Variants in C6orf89 observed in about 807,000 individuals in gnomAD.
The protein encoded by C6orf89 is chromosome 6 open reading frame 89.
Under a neutral mutation model 40.7 loss-of-function variants are expected in C6orf89, and 29 were observed. That is an observed-to-expected ratio of 0.71 (90% CI 0.53 to 0.97). C6orf89 has a LOEUF of 0.97. Among genes scored for constraint, C6orf89 ranks in the 50% least tolerant of loss-of-function variants. The pLI is 0.00. For missense variants in C6orf89, 392 were observed against 429.1 expected (o/e 0.91, Z 0.76); for synonymous variants, 165 against 152.2 (o/e 1.08, Z -0.62).
At chr6:36,902,466 T>C (rs754804830) in intron 4 of C6orf89, 32 bp downstream of exon 4, 19 of 1,593,058 alleles carry the variant, frequency 1.2e-5, no homozygotes, top group African/African-American at 9.4e-5. Flanking sequence ...TTATTAGATA[T>C]AGTTTTCTTG....
At chr6:36,907,626 C>T (rs934889426) in intron 4 of C6orf89, among the ~76,000 whole-genome samples, 9 of 152,108 alleles carry the variant, frequency 5.9e-5, no homozygotes, top group African/African-American at 2.2e-4. Flanking sequence ...AAGTTATAAG[C>T]TTTATTGAAC....
rs1417997200 is a variant in C6orf89, at chr6:36,923,596, C to T, written c.*155C>T. On this transcript the variant is annotated 3_prime_UTR_variant, in exon 9 of 9. Transcript: ENST00000480824. ...TGTGAACCAGCTGTGAGCTGCAAGG[C>T]AGTGGCCAGAGCCTCGCCCTCCTGA... 4 of 698,160 alleles carry T rather than the reference C, an allele frequency of 5.7e-6. No homozygotes were observed. The highest frequency in any genetic ancestry group is 8.0e-6 in the Non-Finnish European group (3 of 376,680). The allele number at this position is 698,160 out of a possible 1,614,324, so 43.2% of individuals were successfully genotyped here. A position where few individuals can be genotyped will look rare whatever the true frequency, so the allele number is the denominator to read the frequency against.
intron 2 of C6orf89, among the ~76,000 whole-genome samples, chr6:36,896,563 C>T (rs1221080177): frequency 6.6e-6 from 1 of 152,142 alleles, no homozygotes; most frequent in Non-Finnish European, 1.5e-5. Context: ...TTCTCCCATT[C>T]TGTGGCTTGT....
At position 36,927,555 on chromosome 6, in the gene C6orf89, C is replaced by G. The variant is rs988776765; in HGVS notation, c.*4114C>G. The G allele has an allele frequency of 8.5e-5, 13 of 152,200 alleles. No homozygotes were observed. The highest frequency in any genetic ancestry group is 3.1e-4 in the African/African-American group (13 of 41,434). The allele number at this position is 152,200 out of a possible 1,614,324, so 9.4% of individuals were successfully genotyped here. On this transcript the variant is annotated 3_prime_UTR_variant, in exon 9 of 9. Transcript: ENST00000480824. ...CTCTCCTGACAATGAAGGAAAAGCT[C>G]TCTTGAGTATACAAGTTCCACACTC...
At chr6:36,878,379 G>A (rs776126153) in intron 1 of C6orf89, among the ~76,000 whole-genome samples, 32 of 152,202 alleles carry the variant, frequency 2.1e-4, no homozygotes, top group Non-Finnish European at 4.1e-4. Flanking sequence ...TAAGAGATTT[G>A]GCGCTACACA....
intron 7 of C6orf89, 35 bp from the exon 8 acceptor site, chr6:36,919,543 C>A: frequency 6.3e-7 from 1 of 1,589,270 alleles, no homozygotes; most frequent in Non-Finnish European, 8.6e-7. Context: ...TTTTCTTTGC[C>A]TTCCTTTTCC....
intron 8 of C6orf89, 72 bp from the exon 9 acceptor site, chr6:36,923,275 G>A (rs1762574978): frequency 8.8e-7 from 1 of 1,132,590 alleles, no homozygotes; most frequent in Non-Finnish European, 1.3e-6. Flanking sequence ...TGGCAGACCT[G>A]CCTTGCTCGT....
intron 1 of C6orf89, 49 bp downstream of exon 1, chr6:36,886,077 A>G: frequency 9.2e-7 from 1 of 1,086,970 alleles, no homozygotes; most frequent in Non-Finnish European, 1.1e-6. Context: ...GCCCTGTGAC[A>G]GCCTCGCCGC....
In C6orf89 at chr6:36,924,631, A is replaced by T. The variant is rs531136633; in HGVS notation, c.*1190A>T. The stretch of plus-strand genomic sequence containing the variant: ...TAGCAATCAAATGGTGTAAATAAGG[A>T]TGTTCTTTTCCTGTTCCTTTTATTT... On this transcript the variant is annotated 3_prime_UTR_variant, in exon 9 of 9. Transcript: ENST00000480824. The T allele has an allele frequency of 1.3e-5, 2 of 152,088 alleles. No homozygotes were observed. Among genetic ancestry groups the T allele is most frequent in the East Asian group, 3.9e-4 (2 of 5,176 alleles). The allele number at this position is 152,088 out of a possible 1,614,324, so 9.4% of individuals were successfully genotyped here.
chr6:36,913,993 T>C (rs1315672985), intron 4 of C6orf89, among the ~76,000 whole-genome samples: 1 of 152,144 alleles, frequency 6.6e-6, no homozygotes. Context: ...AGACCCCGTT[T>C]CAACTAAAAA....
chr6:36,872,917 G>C lies in C6orf89; in HGVS notation c.-628+950G>C, dbSNP rs1051653941. On this transcript the variant is annotated intron_variant, in intron 1 of 9. Transcript: ENST00000359359. ...AGCTATGGCACCTGGCCAGATGTGA[G>C]AATTGAGTCAACTCTGTATAGTCTG... Among the ~76,000 whole-genome samples, 12 of 152,222 alleles carry C rather than the reference G, an allele frequency of 7.9e-5. No homozygotes were observed. In the East Asian group the frequency reaches 2.1e-3, roughly 27 times the overall value.
At chr6:36,884,455 CT>C (rs1477946578), upstream of C6orf89, among the ~76,000 whole-genome samples, 21 of 152,186 alleles carry the variant, frequency 1.4e-4, 1 homozygote, top group Admixed American at 6.5e-4. The surrounding 1 kb of genome is among the most constrained non-coding windows in gnomAD (Gnocchi z 4.0). Flanking sequence ...TAATAATAGT[CT>C]CCCTGGTGCA....
rs1433576179 is a variant in C6orf89, at chr6:36,923,891, A to G, written c.*450A>G. 4.0e-6 allele frequency: 1 copy of G among 252,750 alleles called. No homozygotes were observed. Among genetic ancestry groups the G allele is most frequent in the East Asian group, 1.0e-4 (1 of 10,038 alleles). 15.7% of individuals were successfully genotyped at this position (252,750 alleles called of 1,614,324 possible). A position where few individuals can be genotyped will look rare whatever the true frequency, so the allele number is the denominator to read the frequency against. ...CCTGTCTTGCCTGCCACATCACTCT[A>G]CTTTTTGGAAGGCCATGGCTGATTA... On this transcript the variant is annotated 3_prime_UTR_variant, in exon 9 of 9. Coordinates refer to ENST00000480824, the MANE Select transcript of C6orf89 (RefSeq NM_001286635.2).
intron 4 of C6orf89, among the ~76,000 whole-genome samples, chr6:36,910,990 A>G (rs1762106010): frequency 6.6e-6 from 1 of 152,236 alleles, no homozygotes; most frequent in South Asian, 2.1e-4. Flanking sequence ...TCTTTTTAGT[A>G]CTAACAGTTT....
In C6orf89 at chr6:36,911,937, C is replaced by CT. The variant is rs989968782; in HGVS notation, c.404-2347_404-2346insT. On this transcript the variant is annotated intron_variant, in intron 4 of 8. Coordinates refer to ENST00000480824, the MANE Select transcript of C6orf89 (RefSeq NM_001286635.2). Reference sequence around the variant, plus strand: ...CACTTCTCATCACAGTGAACCCCCCCCCCCCGACCTTTTCCCTAAAAAAGG... The same window carrying CT: ...CACTTCTCATCACAGTGAACCCCCCCTCCCCCGACCTTTTCCCTAAAAAAGG... Among the ~76,000 whole-genome samples the CT allele has an allele frequency of 2.0e-5, 3 of 147,550 alleles. 1 individual carries two copies. Among genetic ancestry groups the CT allele is most frequent in the Non-Finnish European group, 4.5e-5 (3 of 65,964 alleles).
rs1255675692 is a variant in C6orf89, at chr6:36,914,636, T to A, written c.638T>A (p.Phe213Tyr). ...GCGACAGAAGGCTTCTCTGAAGGGT[T>A]TTTCGCCAAGTGGTGGCGCTGCTTT... The part of the protein sequence containing the change: ...PEATEGFSEG[F>Y]FAKWWRCFPE... Residue 213 changes from phenylalanine to tyrosine, a missense_variant, in exon 6 of 9, where the codon TTT becomes TAT. Physicochemically the swap from Phe to Tyr is conservative, Grantham distance 22. Transcript: ENST00000480824. 1 of 1,614,118 alleles carries A rather than the reference T, an allele frequency of 6.2e-7. No individual in the cohort carries two copies. Among genetic ancestry groups the A allele is most frequent in the Non-Finnish European group, 8.5e-7 (1 of 1,180,052 alleles).
At chr6:36,880,431 T>C (rs1291377125) in intron 2 of C6orf89, among the ~76,000 whole-genome samples, 1 of 152,210 alleles carries the variant, frequency 6.6e-6, no homozygotes, top group Non-Finnish European at 1.5e-5. Flanking sequence ...TGTCTAATTA[T>C]ATATGTATTG....
At chr6:36,909,701 G>A (rs1373229016) in intron 4 of C6orf89, among the ~76,000 whole-genome samples, 2 of 151,056 alleles carry the variant, frequency 1.3e-5, no homozygotes, top group Non-Finnish European at 2.9e-5. Context: ...AGGATCACCT[G>A]AGCCCGGGGA....
chr6:36,891,842 A>G (rs766541560), intron 1 of C6orf89, among the ~76,000 whole-genome samples: 1 of 152,198 alleles, frequency 6.6e-6, no homozygotes, highest in Non-Finnish European at 1.5e-5. Flanking sequence ...TTTGTGCTTT[A>G]ACTAGATGAA....
Sources: allele counts gnomAD v4.1 joint callset (sites outside exome capture counted in the v4.1 genomes callset), GRCh38; gene constraint gnomAD v4.1.1; non-coding constraint Gnocchi (gnomAD v3.1); transcripts MANE v1.5; gene names NCBI Gene and HGNC (gene_info 2026-07-23, HGNC 2026-07-21).